The following PCNX1 variants were observed in gnomAD, a reference collection of about 807,000 sequenced individuals.
The protein encoded by PCNX1 is pecanex-like protein 1.
Under a neutral mutation model 242.2 loss-of-function variants are expected in PCNX1, and 78 were observed. That is an observed-to-expected ratio of 0.32 (90% confidence interval 0.27 to 0.39). The LOEUF is 0.39. PCNX1 is among the 10% of genes least tolerant of loss of function. The pLI is 1.00. For missense variants in PCNX1, 2,581 were observed against 2,856.5 expected (o/e 0.90, Z 2.20); for synonymous variants, 1,024 against 1,032.9 (o/e 0.99, Z 0.17).
intron 1 of PCNX1, among the ~76,000 whole-genome samples, chr14:70,943,114 G>T (rs907548853): frequency 1.3e-5 from 2 of 152,130 alleles, no homozygotes; most frequent in Middle Eastern, 3.2e-3. Context: ...ACCCAGTCTC[G>T]GGTATTTCTT....
intron 12 of PCNX1, among the ~76,000 whole-genome samples, chr14:71,019,737 T>G (rs1326385110): frequency 6.6e-6 from 1 of 152,010 alleles, no homozygotes; most frequent in African/African-American, 2.4e-5. Context: ...AGAACTTGCA[T>G]TCTTTTTTTT....
intron 2 of PCNX1, among the ~76,000 whole-genome samples, chr14:70,952,412 C>G (rs1027881908): frequency 2.0e-5 from 3 of 152,168 alleles, no homozygotes; most frequent in Admixed American, 2.0e-4. Flanking sequence ...CCATTTCATT[C>G]CACTTTTCCC....
intron 3 of PCNX1, among the ~76,000 whole-genome samples, chr14:70,967,963 A>C (rs1018073449): frequency 8.5e-5 from 13 of 152,178 alleles, no homozygotes; most frequent in Non-Finnish European, 1.8e-4. Context: ...AGTCCTGAGC[A>C]TGCAGAGGGA....
At chr14:71,075,510 A>G (rs577506100) in intron 27 of PCNX1, among the ~76,000 whole-genome samples, 4 of 152,320 alleles carry the variant, frequency 2.6e-5, no homozygotes, top group South Asian at 2.1e-4. Flanking sequence ...GATGGCCTTA[A>G]TAACTCTCTA....
At chr14:71,050,304 C>G (rs759494569) in intron 22 of PCNX1, among the ~76,000 whole-genome samples, 6 of 151,982 alleles carry the variant, frequency 3.9e-5, no homozygotes, top group Non-Finnish European at 8.8e-5. Context: ...GTATATCTCC[C>G]AATGTTTTTT....
At position 70,946,995 on chromosome 14, in the gene PCNX1, C is replaced by T. The variant is rs148969982; in HGVS notation, c.234C>T (p.Asn78=). The change falls in exon 2 of 36, where the codon AAC becomes AAT. Residue 78 remains asparagine (N), a synonymous_variant. Coordinates refer to ENST00000304743, the MANE Select transcript of PCNX1 (RefSeq NM_014982.3). ...TTTTCATTGTTCTGAAGATGGTCAA[C>T]TATCGACTACACAGAGCACTTGATG... ...AAVFIVLKMV[N]YRLHRALDAG... is the part of the protein sequence containing the mutation. 8 of 1,613,668 alleles carry T rather than the reference C, an allele frequency of 5.0e-6. No homozygotes were observed. Among genetic ancestry groups the T allele is most frequent in the African/African-American group, 1.3e-5 (1 of 74,912 alleles).
chr14:71,021,210 A>AT (rs559032154), intron 12 of PCNX1, among the ~76,000 whole-genome samples: 8 of 151,150 alleles, frequency 5.3e-5, no homozygotes, highest in East Asian at 2.0e-4. Context: ...CTCCAGCTTT[A>AT]TTTTTTTTGC....
intron 26 of PCNX1, among the ~76,000 whole-genome samples, chr14:71,059,804 C>T (rs2061279325): frequency 6.6e-6 from 1 of 152,160 alleles, no homozygotes; most frequent in African/African-American, 2.4e-5. Context: ...TCCTATGGTA[C>T]TCTGTGATCT....
chr14:70,992,136 G>T lies in PCNX1; in HGVS notation c.2444+3437G>T, dbSNP rs541619814. Among the ~76,000 whole-genome samples, 7 of 151,912 alleles carry T rather than the reference G, an allele frequency of 4.6e-5. No individual in the cohort carries two copies. The South Asian group carries it at 1.5e-3, about 32-fold the overall frequency. The stretch of plus-strand genomic sequence containing the variant: ...TTTGCTAATTCTTCCCAGTTAGTAG[G>T]CCTAAAAAAGACAAATATTTAAAAT... On this transcript the variant is annotated intron_variant, in intron 7 of 35. Coordinates refer to ENST00000304743, the MANE Select transcript of PCNX1 (RefSeq NM_014982.3).
intron 13 of PCNX1, among the ~76,000 whole-genome samples, chr14:71,023,493 T>C (rs951409164): frequency 6.6e-6 from 1 of 152,104 alleles, no homozygotes. Flanking sequence ...ATAGTCTGTT[T>C]CAGGGAGTAG....
intron 1 of PCNX1, among the ~76,000 whole-genome samples, chr14:70,934,395 T>TAA (rs35057502): frequency 7.9e-5 from 12 of 151,788 alleles, no homozygotes; most frequent in African/African-American, 2.4e-4. Flanking sequence ...CCATCTAGCT[T>TAA]AAAAAAAATT....
At chr14:71,091,089 G>A (rs2062117005) in intron 30 of PCNX1, among the ~76,000 whole-genome samples, 1 of 152,194 alleles carries the variant, frequency 6.6e-6, no homozygotes, top group African/African-American at 2.4e-5. Context: ...AGAAGCCATG[G>A]AGGGCTGAGG....
rs540218908 is a variant in PCNX1 at position 70,963,388 on chromosome 14, G to A, written c.468+1057G>A. ...TGTGTACAGTTGACTTTAAATTAAT[G>A]ATTGCTAATTATCCTTATGTGACTA... On this transcript the variant is annotated intron_variant, in intron 3 of 35. Transcript: ENST00000304743. Among the ~76,000 whole-genome samples the A allele has an allele frequency of 6.3e-4, 96 of 152,142 alleles. 1 individual carries two copies. The South Asian group carries it at 0.019, about 31-fold the overall frequency.
chr14:70,999,144 C>A (rs2059434549), intron 8 of PCNX1, among the ~76,000 whole-genome samples: 1 of 152,156 alleles, frequency 6.6e-6, no homozygotes, highest in Non-Finnish European at 1.5e-5. Context: ...TGTTTTATAT[C>A]TGCTAATCTT....
chr14:71,094,342 A>G (rs896178199), intron 30 of PCNX1, among the ~76,000 whole-genome samples: 6 of 152,326 alleles, frequency 3.9e-5, no homozygotes, highest in African/African-American at 1.2e-4. Flanking sequence ...GAAATGCTCT[A>G]TATCTAGATT....
At chr14:70,983,466 G>C (rs1412094005) in intron 6 of PCNX1, among the ~76,000 whole-genome samples, 1 of 152,016 alleles carries the variant, frequency 6.6e-6, no homozygotes, top group Non-Finnish European at 1.5e-5. Context: ...CACGACACCC[G>C]GTTAATTTTT....
In PCNX1 at chr14:71,076,416, AAAG is replaced by A; in HGVS notation, c.5335_5337del (p.Lys1779del). Reference sequence around the variant, plus strand: ...TAGAGTACTGCTCTTCCCGAAGAGCAAAGGTAGAGTTTATTTCATTTATAACTC... The same window carrying A: ...TAGAGTACTGCTCTTCCCGAAGAGCAGTAGAGTTTATTTCATTTATAACTC... On this transcript the variant is annotated inframe_deletion and splice_region_variant, in exon 28 of 36. Transcript: ENST00000304743. The A allele has an allele frequency of 6.3e-7, 1 of 1,579,012 alleles. No individual in the cohort carries two copies. The highest frequency in any genetic ancestry group is 8.7e-7 in the Non-Finnish European group (1 of 1,148,662).
At chr14:71,029,993 C>T (rs1322056937) in intron 16 of PCNX1, among the ~76,000 whole-genome samples, 2 of 152,150 alleles carry the variant, frequency 1.3e-5, no homozygotes, top group South Asian at 2.1e-4. Context: ...TCTTGCAAGT[C>T]TTTTTGTGGA....
At chr14:71,049,306 C>G (rs887350249) in intron 22 of PCNX1, among the ~76,000 whole-genome samples, 5 of 152,058 alleles carry the variant, frequency 3.3e-5, no homozygotes, top group African/African-American at 1.2e-4. Context: ...AGAAAGCTTT[C>G]CCCTTGAGTT....
Sources: gnomAD v4.1 joint callset for allele counts (sites outside exome capture counted in the v4.1 genomes callset) on GRCh38, gnomAD v4.1.1 for gene constraint, MANE v1.5 for transcripts, NCBI Gene and HGNC (gene_info 2026-07-23, HGNC 2026-07-21) for gene names.